TASP1: variants seen among roughly 807,000 people sequenced by gnomAD.
TASP1 encodes taspase 1.
Under a neutral mutation model 56.6 loss-of-function variants are expected in TASP1, and 16 were observed. That is an observed-to-expected ratio of 0.28 (90% CI 0.19 to 0.43). TASP1 has a LOEUF of 0.43. Ranked by LOEUF, TASP1 falls within the 20% of genes least tolerant of loss-of-function variation. The pLI, the probability that TASP1 is intolerant of heterozygous loss-of-function variation, is 1.00. For synonymous variants in TASP1, 179 were observed against 184.2 expected (o/e 0.97, Z 0.23); for missense variants, 393 against 511.6 (o/e 0.77, Z 2.24).
chr20:13,466,329 T>C (rs193190491), intron 11 of TASP1, among the ~76,000 whole-genome samples: 2 of 152,310 alleles, frequency 1.3e-5, no homozygotes, highest in Admixed American at 6.5e-5. Flanking sequence ...AGCAGCTATA[T>C]CACAAAATAA....
At chr20:13,222,382 T>A in the TASP1 span, among the ~76,000 whole-genome samples, 1 of 152,052 alleles carries the variant, frequency 6.6e-6, no homozygotes, top group African/African-American at 2.4e-5. Context: ...TAGGAAGCAA[T>A]GCCAAAGGTC....
At chr20:13,238,390 A>C in the TASP1 span, among the ~76,000 whole-genome samples, 1 of 152,202 alleles carries the variant, frequency 6.6e-6, no homozygotes, top group Admixed American at 6.5e-5. Context: ...AAATGGCAAA[A>C]TTCATAGCCC....
chr20:13,359,104 C>T, the TASP1 span, among the ~76,000 whole-genome samples: 2 of 147,682 alleles, frequency 1.4e-5, no homozygotes, highest in Non-Finnish European at 1.5e-5. Flanking sequence ...CTCTGCACCC[C>T]AATCGCTTAT....
At chr20:13,572,685 C>CAAAAAAAAA (rs71188164) in intron 6 of TASP1, among the ~76,000 whole-genome samples, 1 of 84,064 alleles carries the variant, frequency 1.2e-5, no homozygotes, top group Non-Finnish European at 2.2e-5. Flanking sequence ...GACTCCATCT[C>CAAAAAAAAA]AAAAAAAAAA....
chr20:13,115,530 T>C, the TASP1 span, among the ~76,000 whole-genome samples: 25 of 152,312 alleles, frequency 1.6e-4, no homozygotes, highest in Non-Finnish European at 3.1e-4. Context: ...ATTTGTGGCA[T>C]GTCAGGTTTT....
intron 7 of TASP1, among the ~76,000 whole-genome samples, chr20:13,568,450 T>A (rs569122061): frequency 6.6e-6 from 1 of 152,170 alleles, no homozygotes; most frequent in South Asian, 2.1e-4. Flanking sequence ...AATATTTCTT[T>A]CTCATTTTAT....
At chr20:13,564,192 C>A (rs2046439093) in intron 7 of TASP1, among the ~76,000 whole-genome samples, 11 of 152,044 alleles carry the variant, frequency 7.2e-5, no homozygotes, top group Admixed American at 7.2e-4. Context: ...AACCCCGTCC[C>A]CCAACACAAA....
At chr20:13,269,676 C>T in the TASP1 span, among the ~76,000 whole-genome samples, 3 of 152,206 alleles carry the variant, frequency 2.0e-5, no homozygotes, top group Non-Finnish European at 2.9e-5. Context: ...TCAAGTGTCA[C>T]CTTCTCTGAG....
chr20:13,500,683 T>G lies in TASP1; in HGVS notation c.875-17346A>C, dbSNP rs532784762. On this transcript the variant is annotated intron_variant, in intron 10 of 13. Coordinates refer to ENST00000337743, the MANE Select transcript of TASP1 (RefSeq NM_017714.3). ...CAAAAGACAGCAAACAAAAGGATCA[T>G]TGAACTTGATATAGTCATGAGAAAT... Among the ~76,000 whole-genome samples the G allele has an allele frequency of 2.0e-5, 3 of 152,056 alleles. No homozygotes were observed. In the South Asian group the frequency reaches 6.2e-4, roughly 32 times the overall value.
At chr20:13,573,979 A>G (rs1263813995) in intron 6 of TASP1, among the ~76,000 whole-genome samples, 1 of 152,186 alleles carries the variant, frequency 6.6e-6, no homozygotes, top group African/African-American at 2.4e-5. Flanking sequence ...AGAGTTCACA[A>G]TACCAGAGAG....
At chr20:13,254,430 G>A in the TASP1 span, among the ~76,000 whole-genome samples, 2 of 151,988 alleles carry the variant, frequency 1.3e-5, no homozygotes, top group African/African-American at 4.8e-5. Flanking sequence ...TTCAGAATCA[G>A]AATTGAATTC....
chr20:13,359,838 C>CA, the TASP1 span, among the ~76,000 whole-genome samples: 2 of 151,680 alleles, frequency 1.3e-5, no homozygotes, highest in African/African-American at 2.4e-5. Flanking sequence ...CCTCTTCTAT[C>CA]CCCCACCTTA....
intron 13 of TASP1, among the ~76,000 whole-genome samples, chr20:13,415,288 T>C (rs931669711): frequency 8.5e-5 from 13 of 152,136 alleles, no homozygotes; most frequent in African/African-American, 3.1e-4. Flanking sequence ...AACATTGTTA[T>C]AGCCCCTTTT....
chr20:13,140,840 G>A, the TASP1 span, among the ~76,000 whole-genome samples: 1 of 152,256 alleles, frequency 6.6e-6, no homozygotes, highest in South Asian at 2.1e-4. Flanking sequence ...ATACAACCAT[G>A]CCTCTTTGTT....
chr20:13,395,688 GCTTT>G (rs1175655708), intron 13 of TASP1, among the ~76,000 whole-genome samples: 2 of 148,194 alleles, frequency 1.3e-5, no homozygotes, highest in Admixed American at 6.7e-5. Context: ...GTCACCCTCA[GCTTT>G]CTTTTTTTTT....
chr20:13,524,144 C>A (rs1425946559), intron 10 of TASP1, among the ~76,000 whole-genome samples: 1 of 151,560 alleles, frequency 6.6e-6, no homozygotes, highest in Non-Finnish European at 1.5e-5. Context: ...CAGAGTGAGA[C>A]TTTGTCTTTT....
the TASP1 span, among the ~76,000 whole-genome samples, chr20:13,290,188 T>C: frequency 5.3e-5 from 8 of 152,040 alleles, no homozygotes; most frequent in Non-Finnish European, 1.2e-4. Context: ...CCCATGCTCA[T>C]TAGGATGAGC....
chr20:13,629,622 T>C (rs888075607), intron 2 of TASP1, among the ~76,000 whole-genome samples: 2 of 151,956 alleles, frequency 1.3e-5, no homozygotes, highest in Admixed American at 1.3e-4. Flanking sequence ...TTAAAAAACA[T>C]AAACCAGAGT....
intron 11 of TASP1, among the ~76,000 whole-genome samples, chr20:13,448,671 T>A (rs1342761236): frequency 6.6e-6 from 1 of 152,158 alleles, no homozygotes; most frequent in Admixed American, 6.6e-5. Flanking sequence ...GGATCGCTTA[T>A]GCCTTTGATC....
Sources: gnomAD v4.1 joint callset for allele counts (sites outside exome capture counted in the v4.1 genomes callset) on GRCh38, gnomAD v4.1.1 for gene constraint, MANE v1.5 for transcripts, NCBI Gene and HGNC (gene_info 2026-07-23, HGNC 2026-07-21) for gene names.